The following CDH20 variants were observed in gnomAD, a reference collection of about 807,000 sequenced individuals.
CDH20 encodes the protein cadherin 20.
A neutral mutation model predicts 74.2 loss-of-function variants in CDH20; 29 were observed. The observed-to-expected ratio is 0.39, with a 90% CI of 0.29 to 0.53. The LOEUF (loss-of-function observed/expected upper bound fraction) is 0.53, where lower values mean the gene tolerates loss of function less well. Among genes scored for constraint, CDH20 ranks in the 20% least tolerant of loss-of-function variants. CDH20 has a pLI of 0.69. For missense variants in CDH20, 988 were observed against 1,048.3 expected, an observed-to-expected ratio of 0.94 and a Z score of 0.79; for synonymous variants, 469 against 405.4, an observed-to-expected ratio of 1.16 and a Z score of -1.88.
chr18:61,373,736 T>C (rs1911118847), intron 1 of CDH20, among the ~76,000 whole-genome samples: 1 of 152,144 alleles, frequency 6.6e-6, no homozygotes, highest in Non-Finnish European at 1.5e-5. Flanking sequence ...CCTGCCTCCT[T>C]CTTGCCTTGG....
intron 9 of CDH20, among the ~76,000 whole-genome samples, chr18:61,543,392 G>T (rs573162941): frequency 2.0e-5 from 3 of 152,294 alleles, no homozygotes; most frequent in Admixed American, 6.5e-5. Context: ...CTGTGCTGTT[G>T]CTTGGTAGAA....
At position 61,385,800 on chromosome 18, in the gene CDH20, C is replaced by T. The variant is rs959664046; in HGVS notation, c.-153+51973C>T. ...CAAAAATTAGCCAGGTGTGGTGGCACGTGCTTGTAGTCCCAGCTACTCAGG... is the reference window on the plus strand; with the variant it reads ...CAAAAATTAGCCAGGTGTGGTGGCATGTGCTTGTAGTCCCAGCTACTCAGG... On this transcript the variant is annotated intron_variant, in intron 1 of 11. Coordinates refer to ENST00000262717, the MANE Select transcript of CDH20 (RefSeq NM_031891.4). 4.6e-5 allele frequency among the ~76,000 whole-genome samples: 7 copies of T among 151,590 alleles called. No homozygotes were observed. The South Asian group carries it at 1.0e-3, about 23-fold the overall frequency.
At chr18:61,538,588 G>GTTTTTTTTTT (rs1265851069) in intron 8 of CDH20, among the ~76,000 whole-genome samples, 5 of 55,122 alleles carry the variant, frequency 9.1e-5, no homozygotes, top group African/African-American at 1.5e-4. Flanking sequence ...CTTTTTGTTT[G>GTTTTTTTTTT]TTTGTTTGTT....
chr18:61,415,071 G>C (rs1403834637), intron 1 of CDH20, among the ~76,000 whole-genome samples: 1 of 152,080 alleles, frequency 6.6e-6, no homozygotes, highest in African/African-American at 2.4e-5. Context: ...AAGAGGTTTT[G>C]ATGTGATGTG....
rs1912010338 is a variant in CDH20 at position 61,397,165 on chromosome 18, TG to T, written c.-153+63343del. 3.3e-5 allele frequency among the ~76,000 whole-genome samples: 5 copies of T among 152,236 alleles called. No individual in the cohort carries two copies. In the South Asian group the frequency reaches 1.0e-3, roughly 32 times the overall value. The stretch of plus-strand genomic sequence containing the variant: ...CCAACCTCAGTATCTTCTGGATTCT[TG>T]GGGGTTGACTCCTTCCCTAAGACTT... On this transcript the variant is annotated intron_variant, in intron 1 of 11. Coordinates refer to ENST00000262717, the MANE Select transcript of CDH20 (RefSeq NM_031891.4).
At chr18:61,509,778 A>T (rs1211083411) in intron 6 of CDH20, among the ~76,000 whole-genome samples, 1 of 152,164 alleles carries the variant, frequency 6.6e-6, no homozygotes, top group East Asian at 1.9e-4. Flanking sequence ...GCAGTAATCC[A>T]GGTAAGAGAT....
At position 61,540,340 on chromosome 18, in the gene CDH20, G is replaced by T. The variant is rs71359630; in HGVS notation, c.1530+1195G>T. On this transcript the variant is annotated intron_variant, in intron 9 of 11. Transcript: ENST00000262717. Reference sequence around the variant, plus strand: ...TGGCCCCTGACTGTAATCTAACTTTGCCTTCATGTATTAGTCCATTTTCAT... The same window carrying T: ...TGGCCCCTGACTGTAATCTAACTTTTCCTTCATGTATTAGTCCATTTTCAT... Among the ~76,000 whole-genome samples the T allele has an allele frequency of 9.4e-3, 1,428 of 152,186 alleles. 13 individuals carry two copies. The highest frequency in any genetic ancestry group is 0.015 in the Non-Finnish European group (1,036 of 68,006).
At chr18:61,386,114 G>A (rs1195878319) in intron 1 of CDH20, among the ~76,000 whole-genome samples, 4 of 152,074 alleles carry the variant, frequency 2.6e-5, no homozygotes, top group African/African-American at 7.2e-5. Context: ...ACTTGTAAAA[G>A]GGTAAATGTT....
At chr18:61,373,568 A>G (rs1483155734) in intron 1 of CDH20, among the ~76,000 whole-genome samples, 1 of 152,124 alleles carries the variant, frequency 6.6e-6, no homozygotes, top group Non-Finnish European at 1.5e-5. Context: ...AGCATGGGAC[A>G]CACCTTAATT....
intron 2 of CDH20, among the ~76,000 whole-genome samples, chr18:61,496,621 TAAAGC>T (rs1190812460): frequency 6.6e-6 from 1 of 151,772 alleles, no homozygotes; most frequent in African/African-American, 2.4e-5. Context: ...TGTCGTTTCT[TAAAGC>T]GCTTAAAGCG....
At chr18:61,363,345 A>G (rs1910761243) in intron 1 of CDH20, among the ~76,000 whole-genome samples, 2 of 152,160 alleles carry the variant, frequency 1.3e-5, no homozygotes, top group South Asian at 2.1e-4. Context: ...ATGGTACCCA[A>G]GAATTTTCCT....
At chr18:61,454,807 C>T (rs1318430520) in intron 1 of CDH20, among the ~76,000 whole-genome samples, 1 of 152,208 alleles carries the variant, frequency 6.6e-6, no homozygotes, top group South Asian at 2.1e-4. Flanking sequence ...GTGAACAATG[C>T]CCCTGCAGCA....
At chr18:61,450,590 T>G (rs72991892) in intron 1 of CDH20, among the ~76,000 whole-genome samples, 1 of 152,000 alleles carries the variant, frequency 6.6e-6, no homozygotes, top group Non-Finnish European at 1.5e-5. Context: ...ATAGAGGTAA[T>G]GCATGTTCAC....
At chr18:61,363,493 C>A (rs184976737) in intron 1 of CDH20, among the ~76,000 whole-genome samples, 1 of 152,052 alleles carries the variant, frequency 6.6e-6, no homozygotes, top group African/African-American at 2.4e-5. Context: ...GAATAAGAGA[C>A]GTCAAGAAAA....
At chr18:61,378,246 A>G (rs1050854837) in intron 1 of CDH20, among the ~76,000 whole-genome samples, 2 of 152,214 alleles carry the variant, frequency 1.3e-5, no homozygotes, top group South Asian at 4.1e-4. Context: ...TGTATTTGCC[A>G]TGGTACTCTA....
chr18:61,352,811 A>T (rs1910352264), intron 1 of CDH20, among the ~76,000 whole-genome samples: 1 of 152,168 alleles, frequency 6.6e-6, no homozygotes, highest in Admixed American at 6.5e-5. Flanking sequence ...GCCCAACACA[A>T]AATCCTTGGG....
chr18:61,373,328 A>T (rs1485907012), intron 1 of CDH20, among the ~76,000 whole-genome samples: 1 of 151,494 alleles, frequency 6.6e-6, no homozygotes, highest in Non-Finnish European at 1.5e-5. Flanking sequence ...AGTGACTTTT[A>T]TTGTGCATAA....
chr18:61,413,457 T>C (rs770082568), intron 1 of CDH20, among the ~76,000 whole-genome samples: 4 of 152,196 alleles, frequency 2.6e-5, no homozygotes, highest in Non-Finnish European at 4.4e-5. Context: ...GAAAATATAA[T>C]GCACTGCAAG....
rs73963305 is a variant in CDH20, at chr18:61,483,133, T to A, written c.-152-7269T>A. Among the ~76,000 whole-genome samples the A allele has an allele frequency of 1.9e-3, 297 of 152,328 alleles. 3 individuals carry two copies. Among genetic ancestry groups the A allele is most frequent in the African/African-American group, 6.9e-3 (287 of 41,566 alleles). On this transcript the variant is annotated intron_variant, in intron 1 of 11. Transcript: ENST00000262717. The stretch of plus-strand genomic sequence containing the variant: ...TGGAAATCATTTCTCCCTTTTCTGA[T>A]CTGGCCTAGCATTTTGTTTTTTAAG...
Sources: allele counts gnomAD v4.1 joint callset (sites outside exome capture counted in the v4.1 genomes callset), GRCh38; gene constraint gnomAD v4.1.1; transcripts MANE v1.5; gene names NCBI Gene and HGNC (gene_info 2026-07-23, HGNC 2026-07-21).